The following LMX1B variants were observed in gnomAD, a reference collection of about 807,000 sequenced individuals.
LMX1B encodes LIM homeobox transcription factor 1 beta, also known as LIM homeobox transcription factor 1-beta.
A neutral mutation model predicts 51.4 loss-of-function variants in LMX1B; 12 were observed. That is an observed-to-expected ratio of 0.23 (90% CI 0.15 to 0.38). LMX1B has a LOEUF of 0.38. Ranked by LOEUF, LMX1B falls within the 10% of genes least tolerant of loss-of-function variation. LMX1B has a pLI of 1.00. For synonymous variants in LMX1B, 237 were observed against 235.4 expected, an observed-to-expected ratio of 1.01 and a Z score of -0.06; for missense variants, 445 against 571.1, an observed-to-expected ratio of 0.78 and a Z score of 2.25.
intron 2 of LMX1B, among the ~76,000 whole-genome samples, chr9:126,636,662 C>G (rs972409270): frequency 3.3e-5 from 5 of 152,002 alleles, no homozygotes; most frequent in African/African-American, 1.2e-4. Context: ...TGTGTGCACC[C>G]TAGTGCACAC....
Position 126,615,614 on chromosome 9 carries a change from AGCCCGGTCAGCCCCCTGCCGG to A in LMX1B, c.326+52_326+72del, listed in dbSNP as rs1334452786. 3 of 1,540,094 alleles carry A rather than the reference AGCCCGGTCAGCCCCCTGCCGG, an allele frequency of 1.9e-6. No homozygotes were observed. Among genetic ancestry groups the A allele is most frequent in the Non-Finnish European group, 2.6e-6 (3 of 1,138,080 alleles). ...CTTCCCCGCCACCGCCCGGCACTCG[AGCCCGGTCAGCCCCCTGCCGG>A]GCCCGGCCCGCGCCCGCTCTGCCGC... On this transcript the variant is annotated intron_variant, in intron 2 of 7. Coordinates refer to ENST00000373474, the MANE Select transcript of LMX1B (RefSeq NM_001174147.2). This position sits in a 1 kb window ranked among gnomAD's most constrained non-coding sequence, Gnocchi z 6.0.
chr9:126,614,984 G>A (rs1218740164), intron 1 of LMX1B, among the ~76,000 whole-genome samples: 10 of 152,178 alleles, frequency 6.6e-5, no homozygotes, highest in African/African-American at 1.4e-4. Flanking sequence ...CAGATTTTGG[G>A]GAGATCGGGG....
chr9:126,617,916 G>A (rs1321892437), intron 2 of LMX1B, among the ~76,000 whole-genome samples: 1 of 101,766 alleles, frequency 9.8e-6, no homozygotes, highest in East Asian at 3.5e-4. Flanking sequence ...GGGGGTGGGG[G>A]GTGGGGGGTG....
rs776337890 is a variant in LMX1B at position 126,615,370 on chromosome 9, C to T, written c.140-13C>T. 3.3e-5 allele frequency: 51 copies of T among 1,568,168 alleles called. No homozygotes were observed. In the African/African-American group the frequency reaches 6.8e-4, roughly 21 times the overall value. On this transcript the variant is annotated splice_polypyrimidine_tract_variant and intron_variant, in intron 1 of 7. Transcript: ENST00000373474. This position sits in a 1 kb window ranked among gnomAD's most constrained non-coding sequence, Gnocchi z 6.0. Reference sequence around the variant, plus strand: ...CGGCGCTGACGGCCGGGCTTTCGCCCTGTGCGCTACAGGCTCCGACTGCCC... The same window carrying T: ...CGGCGCTGACGGCCGGGCTTTCGCCTTGTGCGCTACAGGCTCCGACTGCCC...
In LMX1B at chr9:126,635,272, A is replaced by G. The variant is rs755688437; in HGVS notation, c.326+19703A>G. Among the ~76,000 whole-genome samples, 13 of 152,168 alleles carry G rather than the reference A, an allele frequency of 8.5e-5. 1 individual carries two copies. Among genetic ancestry groups the G allele is most frequent in the Non-Finnish European group, 1.8e-4 (12 of 68,014 alleles). On this transcript the variant is annotated intron_variant, in intron 2 of 7. Coordinates refer to ENST00000373474, the MANE Select transcript of LMX1B (RefSeq NM_001174147.2). ...ACTTGCCCCCACTCGCTCATTGCCC[A>G]CACAGGGAGCAGGCCCGGGGCTTAC...
intron 5 of LMX1B, 46 bp downstream of exon 5, chr9:126,693,647 C>T: frequency 1.9e-6 from 3 of 1,610,954 alleles, no homozygotes; most frequent in Non-Finnish European, 2.5e-6. Context: ...TAGGGTGGGA[C>T]TAGAGGGGGC....
intron 2 of LMX1B, among the ~76,000 whole-genome samples, chr9:126,646,423 T>G (rs900121858): frequency 1.3e-5 from 2 of 151,848 alleles, no homozygotes; most frequent in Admixed American, 1.3e-4. Flanking sequence ...CATCCATCCA[T>G]CCAGCCCTCC....
intron 2 of LMX1B, among the ~76,000 whole-genome samples, chr9:126,624,616 CT>C (rs1835483739): frequency 6.6e-6 from 1 of 152,144 alleles, no homozygotes; most frequent in African/African-American, 2.4e-5. Flanking sequence ...AGCCCCCTCC[CT>C]CCTGCGCCCC....
At chr9:126,634,422 C>T (rs1304786823) in intron 2 of LMX1B, among the ~76,000 whole-genome samples, 1 of 152,196 alleles carries the variant, frequency 6.6e-6, no homozygotes, top group Non-Finnish European at 1.5e-5. Flanking sequence ...ATCAGGGAGG[C>T]ATGGGGAAGA....
chr9:126,672,915 G>A (rs939136607), intron 2 of LMX1B, among the ~76,000 whole-genome samples: 4 of 152,238 alleles, frequency 2.6e-5, no homozygotes, highest in Non-Finnish European at 4.4e-5. Flanking sequence ...GGCCAGTGAC[G>A]TGCCCAGGCA....
At chr9:126,661,475 C>T (rs1034661515) in intron 2 of LMX1B, among the ~76,000 whole-genome samples, 1 of 152,148 alleles carries the variant, frequency 6.6e-6, no homozygotes, top group Non-Finnish European at 1.5e-5. Context: ...GAGGCTGAGC[C>T]GAAGCACATG....
At position 126,626,485 on chromosome 9, in the gene LMX1B, G is replaced by A. The variant is rs1195855875; in HGVS notation, c.326+10916G>A. Among the ~76,000 whole-genome samples, 1 of 152,132 alleles carries A rather than the reference G, an allele frequency of 6.6e-6. No homozygotes were observed. The highest frequency in any genetic ancestry group is 1.5e-5 in the Non-Finnish European group (1 of 68,028). On this transcript the variant is annotated intron_variant, in intron 2 of 7. Transcript: ENST00000373474. This position sits in a 1 kb window ranked among gnomAD's most constrained non-coding sequence, Gnocchi z 4.3. Reference sequence around the variant, plus strand: ...GCCATTAAGTATGGGACGGGCAGGCGAGAGCGGGGAAGGGGACCGATGGAG... The same window carrying A: ...GCCATTAAGTATGGGACGGGCAGGCAAGAGCGGGGAAGGGGACCGATGGAG...
Position 126,614,527 on chromosome 9 carries a change from C to T in LMX1B, c.78C>T (p.Asp26=). The part of the protein sequence containing the change: ...RGQTDCAKML[D]GIKMEEHALR... The stretch of plus-strand genomic sequence containing the variant: ...AGACGGACTGCGCCAAGATGTTGGA[C>T]GGCATCAAGATGGAGGAGCACGCCC... The change falls in exon 1 of 8, where the codon GAC becomes GAT. Residue 26 remains aspartate, a synonymous_variant. Coordinates refer to ENST00000373474, the MANE Select transcript of LMX1B (RefSeq NM_001174147.2). 6.2e-7 allele frequency: 1 copy of T among 1,606,494 alleles called. No homozygotes were observed. Among genetic ancestry groups the T allele is most frequent in the Non-Finnish European group, 8.5e-7 (1 of 1,177,360 alleles).
chr9:126,615,333 G>A lies in LMX1B; in HGVS notation c.140-50G>A. 2.1e-6 allele frequency: 3 copies of A among 1,435,040 alleles called. No homozygotes were observed. Among genetic ancestry groups the A allele is most frequent in the Non-Finnish European group, 2.8e-6 (3 of 1,090,534 alleles). The allele number at this position is 1,435,040 out of a possible 1,614,324, so 88.9% of individuals were successfully genotyped here. On this transcript the variant is annotated intron_variant, in intron 1 of 7. Transcript: ENST00000373474. The surrounding 1 kb of genome is among the most constrained non-coding windows in gnomAD (Gnocchi z 6.0). ...GGGCCCGGTGCGACCGGGACGCCGGGGCTGGGCCGGGCGGCGCTGACGGCC... is the reference window on the plus strand; with the variant it reads ...GGGCCCGGTGCGACCGGGACGCCGGAGCTGGGCCGGGCGGCGCTGACGGCC...
At chr9:126,692,534 C>A (rs898013246) in intron 3 of LMX1B, among the ~76,000 whole-genome samples, 1 of 152,220 alleles carries the variant, frequency 6.6e-6, no homozygotes, top group Non-Finnish European at 1.5e-5. Flanking sequence ...CGTTCCTGCC[C>A]GTGAGCATGG....
At position 126,693,288 on chromosome 9, in the gene LMX1B, G is replaced by T. The variant is rs1588307140; in HGVS notation, c.706G>T (p.Ala236Ser). The change falls in exon 4 of 8, where the codon GCC (alanine) becomes TCC (serine). Residue 236 changes from alanine to serine, a missense_variant. Coordinates refer to ENST00000373474, the MANE Select transcript of LMX1B (RefSeq NM_001174147.2). ...LTTQQRRAFK[A>S]SFEVSSKPCR... is the part of the protein sequence containing the mutation. ...CACGCAGCAGCGAAGAGCCTTCAAG[G>T]CCTCCTTCGAGGTCTCGTCGAAGCC... 1.9e-6 allele frequency: 3 copies of T among 1,609,664 alleles called. No individual in the cohort carries two copies. Among genetic ancestry groups the T allele is most frequent in the Middle Eastern group, 1.9e-4 (1 of 5,334 alleles).
At position 126,680,425 on chromosome 9, in the gene LMX1B, C is replaced by T. The variant is rs542869606; in HGVS notation, c.327-10411C>T. ...GCAAAGAGAGTGATGTTGCCTACCT[C>T]GCAGGGGTCTTACAGAGGAGGAGTC... On this transcript the variant is annotated intron_variant, in intron 2 of 7. Transcript: ENST00000373474. Among the ~76,000 whole-genome samples the T allele has an allele frequency of 2.6e-5, 4 of 152,294 alleles. No individual in the cohort carries two copies. The South Asian group carries it at 8.3e-4, about 32-fold the overall frequency.
At chr9:126,639,336 G>A (rs954432274) in intron 2 of LMX1B, among the ~76,000 whole-genome samples, 1 of 152,308 alleles carries the variant, frequency 6.6e-6, no homozygotes, top group Middle Eastern at 3.4e-3. Context: ...CTCCCAGCCA[G>A]CCTGCCCCTC....
Position 126,615,804 on chromosome 9 carries a change from C to T in LMX1B, c.326+235C>T, listed in dbSNP as rs1487765684. ...GGCCCCCAGTTGCCATCCGTTGTCC[C>T]GGAATCCTGCGCTGGGCCGGCCGAG... is the stretch of plus-strand genomic sequence containing the variant. On this transcript the variant is annotated intron_variant, in intron 2 of 7. Transcript: ENST00000373474. The surrounding 1 kb of genome is among the most constrained non-coding windows in gnomAD (Gnocchi z 6.0). Among the ~76,000 whole-genome samples the T allele has an allele frequency of 6.6e-6, 1 of 152,154 alleles. No homozygotes were observed. Among genetic ancestry groups the T allele is most frequent in the Non-Finnish European group, 1.5e-5 (1 of 68,012 alleles).
Sources: gnomAD v4.1 joint callset for allele counts (sites outside exome capture counted in the v4.1 genomes callset) on GRCh38, gnomAD v4.1.1 for gene constraint, Gnocchi (gnomAD v3.1) non-coding constraint, MANE v1.5 for transcripts, NCBI Gene and HGNC (gene_info 2026-07-23, HGNC 2026-07-21) for gene names.